The following AGAP1 variants were observed in gnomAD, a reference collection of about 807,000 sequenced individuals.
The protein encoded by AGAP1 is ArfGAP with GTPase domain, ankyrin repeat and PH domain 1.
A neutral mutation model predicts 105.3 loss-of-function variants in AGAP1; 29 were observed. The ratio of observed to expected loss-of-function variants is 0.28; its 90% CI spans 0.21 to 0.38. The LOEUF (loss-of-function observed/expected upper bound fraction) is 0.38, where lower values mean the gene tolerates loss of function less well. Ranked by LOEUF, AGAP1 falls within the 10% of genes least tolerant of loss-of-function variation. The pLI is 1.00. For missense variants in AGAP1, 998 were observed against 1,165.1 expected, an observed-to-expected ratio of 0.86 and a Z score of 2.09; for synonymous variants, 509 against 485.9, an observed-to-expected ratio of 1.05 and a Z score of -0.63.
At position 235,517,299 on chromosome 2, in the gene AGAP1, G is replaced by A. The variant is rs1468716638; in HGVS notation, c.163+22450G>A. On this transcript the variant is annotated intron_variant, in intron 1 of 17. Transcript: ENST00000304032. This position sits in a 1 kb window ranked among gnomAD's most constrained non-coding sequence, Gnocchi z 4.1. ...TATCTCCAGCGACAGTCACCTTGGG[G>A]TGTGAGCCTCTGCAGAGGAATTTGG... 2.0e-5 allele frequency among the ~76,000 whole-genome samples: 3 copies of A among 152,174 alleles called. No individual in the cohort carries two copies. Among genetic ancestry groups the A allele is most frequent in the Admixed American group, 2.0e-4 (3 of 15,274 alleles).
chr2:235,982,642 G>A lies in AGAP1; in HGVS notation c.1645+14019G>A, dbSNP rs2055147400. ...GAAGGTTTAGGCCCTGTTTCTTTTC[G>A]AGCAGCACAGAAATACTTGCCCAGT... On this transcript the variant is annotated intron_variant, in intron 13 of 17. Transcript: ENST00000304032. This position sits in a 1 kb window ranked among gnomAD's most constrained non-coding sequence, Gnocchi z 4.9. Among the ~76,000 whole-genome samples, 1 of 152,164 alleles carries A rather than the reference G, an allele frequency of 6.6e-6. No homozygotes were observed. The highest frequency in any genetic ancestry group is 2.4e-5 in the African/African-American group (1 of 41,432).
rs985150851 is a variant in AGAP1, at chr2:235,867,835, G to T, written c.1051-15510G>T. On this transcript the variant is annotated intron_variant, in intron 9 of 17. Coordinates refer to ENST00000304032, the MANE Select transcript of AGAP1 (RefSeq NM_001037131.3). This position sits in a 1 kb window ranked among gnomAD's most constrained non-coding sequence, Gnocchi z 5.4. Reference sequence around the variant, plus strand: ...GAATAGGTCACAGCTTGTATGACCCGTGTGCTTCTCCAGTTTCCAATGATG... The same window carrying T: ...GAATAGGTCACAGCTTGTATGACCCTTGTGCTTCTCCAGTTTCCAATGATG... Among the ~76,000 whole-genome samples the T allele has an allele frequency of 1.3e-5, 2 of 152,072 alleles. No individual in the cohort carries two copies. Among genetic ancestry groups the T allele is most frequent in the African/African-American group, 4.8e-5 (2 of 41,394 alleles).
rs1341326860 is a variant in AGAP1 at position 235,664,079 on chromosome 2, C to T, written c.164-45100C>T. On this transcript the variant is annotated intron_variant, in intron 1 of 17. Transcript: ENST00000304032. This position sits in a 1 kb window ranked among gnomAD's most constrained non-coding sequence, Gnocchi z 5.7. ...GGGAGCTCCTTTGGTGACTCCGTAG[C>T]TGTGGCCAGTGCCTGGCAGCTAGCG... is the stretch of plus-strand genomic sequence containing the variant. 6.6e-6 allele frequency among the ~76,000 whole-genome samples: 1 copy of T among 152,226 alleles called. No individual in the cohort carries two copies. The highest frequency in any genetic ancestry group is 1.5e-5 in the Non-Finnish European group (1 of 68,044).
At chr2:235,726,427 C>T (rs1236572681) in intron 3 of AGAP1, among the ~76,000 whole-genome samples, 2 of 152,248 alleles carry the variant, frequency 1.3e-5, no homozygotes, top group African/African-American at 4.8e-5. Context: ...TAGAAAGTTT[C>T]ACGTATGTAA....
rs1482324119 is a variant in AGAP1, at chr2:235,555,453, G to T, written c.163+60604G>T. ...GTGGAGCTCAGGGAATAGGCATGTG[G>T]GGCACACTCTCCAGGCACATCCAGG... On this transcript the variant is annotated intron_variant, in intron 1 of 17. Coordinates refer to ENST00000304032, the MANE Select transcript of AGAP1 (RefSeq NM_001037131.3). The surrounding 1 kb of genome is among the most constrained non-coding windows in gnomAD (Gnocchi z 5.1). 6.6e-6 allele frequency among the ~76,000 whole-genome samples: 1 copy of T among 152,170 alleles called. No homozygotes were observed. Among genetic ancestry groups the T allele is most frequent in the African/African-American group, 2.4e-5 (1 of 41,434 alleles).
intron 6 of AGAP1, among the ~76,000 whole-genome samples, chr2:235,760,002 A>G (rs77344954): frequency 0.031 from 4,674 of 152,262 alleles, 240 homozygotes; most frequent in African/African-American, 0.1. Context: ...TCATGAAGCT[A>G]TAAAAGCACA....
rs2106340566 is a variant in AGAP1, at chr2:235,830,920, A to G, written c.1050+23589A>G. Among the ~76,000 whole-genome samples, 1 of 152,280 alleles carries G rather than the reference A, an allele frequency of 6.6e-6. No individual in the cohort carries two copies. Among genetic ancestry groups the G allele is most frequent in the South Asian group, 2.1e-4 (1 of 4,826 alleles). ...TGCAGCTAAGCAGGAATGGGACTGG[A>G]TGGTGGGGACTCCTGTGAGAATGCT... On this transcript the variant is annotated intron_variant, in intron 9 of 17. Coordinates refer to ENST00000304032, the MANE Select transcript of AGAP1 (RefSeq NM_001037131.3). The surrounding 1 kb of genome is among the most constrained non-coding windows in gnomAD (Gnocchi z 5.5).
In AGAP1 at chr2:235,625,224, C is replaced by A. The variant is rs1047233623; in HGVS notation, c.164-83955C>A. Among the ~76,000 whole-genome samples the A allele has an allele frequency of 1.3e-5, 2 of 152,192 alleles. No individual in the cohort carries two copies. The highest frequency in any genetic ancestry group is 1.3e-4 in the Admixed American group (2 of 15,276). ...CCTTGAACTCTCTGACTCCAGCAGT[C>A]CCCTCTGCACATGCCTGAACTGCTT... On this transcript the variant is annotated intron_variant, in intron 1 of 17. Coordinates refer to ENST00000304032, the MANE Select transcript of AGAP1 (RefSeq NM_001037131.3). This position sits in a 1 kb window ranked among gnomAD's most constrained non-coding sequence, Gnocchi z 4.0.
intron 9 of AGAP1, among the ~76,000 whole-genome samples, chr2:235,863,640 C>T (rs748374895): frequency 6.6e-5 from 10 of 152,124 alleles, no homozygotes; most frequent in South Asian, 2.1e-4. Context: ...CTCCTGGGCC[C>T]GAGGTCATCG....
Position 236,127,212 on chromosome 2 carries a change from C to T in AGAP1, c.*3090C>T, listed in dbSNP as rs945240650. 48 of 152,298 alleles carry T rather than the reference C, an allele frequency of 3.2e-4. No homozygotes were observed. The highest frequency in any genetic ancestry group is 1.1e-3 in the African/African-American group (45 of 41,564). The allele number at this position is 152,298 out of a possible 1,614,324, so 9.4% of individuals were successfully genotyped here. On this transcript the variant is annotated 3_prime_UTR_variant, in exon 18 of 18. Transcript: ENST00000304032. This position sits in a 1 kb window ranked among gnomAD's most constrained non-coding sequence, Gnocchi z 6.6. ...TGCAGACCTGGCTGCAGCAGAAACA[C>T]CCCGCAGGGACAGTACTCTGTGATT... is the stretch of plus-strand genomic sequence containing the variant.
rs1201507608 is a variant in AGAP1 at position 236,124,948 on chromosome 2, T to G, written c.*826T>G. 1.2e-5 allele frequency: 2 copies of G among 164,638 alleles called. No individual in the cohort carries two copies. Among genetic ancestry groups the G allele is most frequent in the Non-Finnish European group, 1.5e-5 (1 of 68,112 alleles). 10.2% of individuals were successfully genotyped at this position (164,638 alleles called of 1,614,324 possible). ...AAGAGAGGAAATCAGTCGCTGAGTA[T>G]TATTTGACTCCGGTCTCCTTGGTGC... On this transcript the variant is annotated 3_prime_UTR_variant, in exon 18 of 18. Coordinates refer to ENST00000304032, the MANE Select transcript of AGAP1 (RefSeq NM_001037131.3). The surrounding 1 kb of genome is among the most constrained non-coding windows in gnomAD (Gnocchi z 5.1).
chr2:235,774,104 T>C (rs1047449789), intron 6 of AGAP1: 10 of 408,984 alleles, frequency 2.4e-5, no homozygotes, highest in Non-Finnish European at 4.9e-5. Flanking sequence ...TGCAATTAAA[T>C]ATCCAGATCT....
At chr2:235,831,268 C>A (rs989255970) in intron 9 of AGAP1, among the ~76,000 whole-genome samples, 14 of 152,080 alleles carry the variant, frequency 9.2e-5, no homozygotes, top group African/African-American at 2.9e-4. Context: ...ACACCCACAG[C>A]CTCCGCCATT....
In AGAP1 at chr2:235,919,721, C is replaced by T. The variant is rs1005262925; in HGVS notation, c.1324+10815C>T. ...ATTTCATGTTAAAAACACACACACA[C>T]ACACCTGTTGCATTTATCATATAAA... On this transcript the variant is annotated intron_variant, in intron 11 of 17. Transcript: ENST00000304032. The surrounding 1 kb of genome is among the most constrained non-coding windows in gnomAD (Gnocchi z 4.1). 1.3e-5 allele frequency among the ~76,000 whole-genome samples: 2 copies of T among 152,154 alleles called. No homozygotes were observed. The highest frequency in any genetic ancestry group is 6.5e-5 in the Admixed American group (1 of 15,282).
rs1360113436 is a variant in AGAP1 at position 235,690,812 on chromosome 2, A to AT, written c.164-18360dup. ...CATTGTGTTTCTTCTTGATTTATTT[A>AT]TTTTTTTCTCCAGTCTAGTCATAGT... On this transcript the variant is annotated intron_variant, in intron 1 of 17. Transcript: ENST00000304032. The surrounding 1 kb of genome is among the most constrained non-coding windows in gnomAD (Gnocchi z 4.1). Among the ~76,000 whole-genome samples the AT allele has an allele frequency of 6.6e-6, 1 of 151,734 alleles. No homozygotes were observed. Among genetic ancestry groups the AT allele is most frequent in the Non-Finnish European group, 1.5e-5 (1 of 67,972 alleles).
Position 235,906,226 on chromosome 2 carries a change from C to T in AGAP1, c.1156-2512C>T, listed in dbSNP as rs890402214. 2.6e-5 allele frequency among the ~76,000 whole-genome samples: 4 copies of T among 152,180 alleles called. No individual in the cohort carries two copies. Among genetic ancestry groups the T allele is most frequent in the African/African-American group, 4.8e-5 (2 of 41,440 alleles). ...GGCCTCTGGGCTGATGTGAGATGCACGCGTGCCAGGGTTTTCTGCCTGGAT... is the reference window on the plus strand; with the variant it reads ...GGCCTCTGGGCTGATGTGAGATGCATGCGTGCCAGGGTTTTCTGCCTGGAT... On this transcript the variant is annotated intron_variant, in intron 10 of 17. Transcript: ENST00000304032. This position sits in a 1 kb window ranked among gnomAD's most constrained non-coding sequence, Gnocchi z 5.3.
At chr2:236,006,962 C>G (rs1165461763) in intron 13 of AGAP1, among the ~76,000 whole-genome samples, 1 of 152,182 alleles carries the variant, frequency 6.6e-6, no homozygotes, top group East Asian at 1.9e-4. Flanking sequence ...AGTGCTTTTT[C>G]AGGCCCTCCC....
In AGAP1 at chr2:236,104,477, C is replaced by T. The variant is rs1418055432; in HGVS notation, c.2115-15715C>T. 5.9e-5 allele frequency among the ~76,000 whole-genome samples: 9 copies of T among 152,370 alleles called. No individual in the cohort carries two copies. Among genetic ancestry groups the T allele is most frequent in the South Asian group, 2.1e-4 (1 of 4,828 alleles). ...CTGTGCTGTCTGCCCCTCACAAAAT[C>T]CTTGTCCCTTCTCAGATTCCTTGGG... On this transcript the variant is annotated intron_variant, in intron 16 of 17. Coordinates refer to ENST00000304032, the MANE Select transcript of AGAP1 (RefSeq NM_001037131.3). This position sits in a 1 kb window ranked among gnomAD's most constrained non-coding sequence, Gnocchi z 4.7.
rs1467483107 is a variant in AGAP1 at position 235,732,689 on chromosome 2, T to C, written c.311-8274T>C. Among the ~76,000 whole-genome samples the C allele has an allele frequency of 6.6e-6, 1 of 152,124 alleles. No individual in the cohort carries two copies. Among genetic ancestry groups the C allele is most frequent in the Non-Finnish European group, 1.5e-5 (1 of 68,032 alleles). On this transcript the variant is annotated intron_variant, in intron 3 of 17. Transcript: ENST00000304032. This position sits in a 1 kb window ranked among gnomAD's most constrained non-coding sequence, Gnocchi z 4.8. Reference sequence around the variant, plus strand: ...TCAGCCTTCTTGGCTTGGACCTCTCTTCCCAGACATTGTCTTTCCCTGAGA... The same window carrying C: ...TCAGCCTTCTTGGCTTGGACCTCTCCTCCCAGACATTGTCTTTCCCTGAGA...
Sources: allele counts gnomAD v4.1 joint callset (sites outside exome capture counted in the v4.1 genomes callset), GRCh38; gene constraint gnomAD v4.1.1; non-coding constraint Gnocchi (gnomAD v3.1); transcripts MANE v1.5; gene names NCBI Gene and HGNC (gene_info 2026-07-23, HGNC 2026-07-21).